LINGO2: variants seen among roughly 807,000 people sequenced by gnomAD.
LINGO2 encodes leucine rich repeat and Ig domain containing 2.
LINGO2 carries 14 observed loss-of-function variants against 30.6 expected under a neutral mutation model. The ratio of observed to expected loss-of-function variants is 0.46; its 90% CI spans 0.30 to 0.72. The LOEUF (loss-of-function observed/expected upper bound fraction) is 0.72. LINGO2 is among the 30% of genes least tolerant of loss of function. The probability of loss-of-function intolerance (pLI) is 0.07; values close to 1 mark genes in which losing one functional copy is unlikely to be tolerated. For synonymous variants in LINGO2, 317 were observed against 288.5 expected (o/e 1.10, Z -1.00); for missense variants, 729 against 751.7 (o/e 0.97, Z 0.35).
chr9:28,808,045 A>G, the LINGO2 span, among the ~76,000 whole-genome samples: 2 of 152,236 alleles, frequency 1.3e-5, no homozygotes, highest in Admixed American at 6.5e-5. Flanking sequence ...TAGAATCATC[A>G]TAATGACTAA....
At chr9:28,999,455 CT>C in the LINGO2 span, among the ~76,000 whole-genome samples, 4 of 151,910 alleles carry the variant, frequency 2.6e-5, no homozygotes, top group Non-Finnish European at 5.9e-5. Context: ...CTGTATATAT[CT>C]TTTTTTTCTA....
chr9:29,137,497 C>T, the LINGO2 span, among the ~76,000 whole-genome samples: 1 of 152,118 alleles, frequency 6.6e-6, no homozygotes, highest in African/African-American at 2.4e-5. Flanking sequence ...CACATTACTA[C>T]TGCTCTAGGT....
the LINGO2 span, among the ~76,000 whole-genome samples, chr9:28,962,018 G>A: frequency 6.6e-6 from 1 of 151,832 alleles, no homozygotes; most frequent in Non-Finnish European, 1.5e-5. Flanking sequence ...TAAGCTTTAG[G>A]GAAAAAATAC....
chr9:28,041,192 GC>G (rs1824182679), intron 4 of LINGO2, among the ~76,000 whole-genome samples: 4 of 152,166 alleles, frequency 2.6e-5, no homozygotes, highest in Non-Finnish European at 4.4e-5. Flanking sequence ...TCTGTCTATT[GC>G]ACCTCATAAA....
At chr9:28,759,558 TG>T in the LINGO2 span, among the ~76,000 whole-genome samples, 1 of 151,724 alleles carries the variant, frequency 6.6e-6, no homozygotes, top group Admixed American at 6.6e-5. Flanking sequence ...GACAGGCGCC[TG>T]CAGTCCCAGC....
chr9:29,162,333 A>G, the LINGO2 span, among the ~76,000 whole-genome samples: 1 of 152,252 alleles, frequency 6.6e-6, no homozygotes, highest in Non-Finnish European at 1.5e-5. Flanking sequence ...AAATGAATAT[A>G]TTTCAATAGA....
the LINGO2 span, among the ~76,000 whole-genome samples, chr9:28,987,804 G>C: frequency 6.6e-6 from 1 of 151,908 alleles, no homozygotes; most frequent in African/African-American, 2.4e-5. Flanking sequence ...TATCCATTCA[G>C]GCACATATTG....
At chr9:28,798,440 G>C in the LINGO2 span, among the ~76,000 whole-genome samples, 1 of 152,142 alleles carries the variant, frequency 6.6e-6, no homozygotes, top group Non-Finnish European at 1.5e-5. Flanking sequence ...GAGTGTATGA[G>C]AACTGCTGAT....
intron 1 of LINGO2, among the ~76,000 whole-genome samples, chr9:28,569,940 GA>G (rs1158040449): frequency 6.6e-6 from 1 of 151,436 alleles, no homozygotes; most frequent in Non-Finnish European, 1.5e-5. Flanking sequence ...AATAAAGCTG[GA>G]AAAAAGACAT....
chr9:28,778,832 T>C, the LINGO2 span, among the ~76,000 whole-genome samples: 19 of 152,176 alleles, frequency 1.2e-4, no homozygotes, highest in Non-Finnish European at 2.4e-4. Flanking sequence ...CTAGAAGAGA[T>C]ATCTATTGAA....
intron 5 of LINGO2, among the ~76,000 whole-genome samples, chr9:27,967,576 A>G (rs1167806502): frequency 6.6e-6 from 1 of 152,096 alleles, no homozygotes; most frequent in East Asian, 1.9e-4. Context: ...ATATGCCTAG[A>G]TTTATGCTTC....
chr9:28,391,425 G>C (rs757792063), intron 2 of LINGO2, among the ~76,000 whole-genome samples: 4 of 152,148 alleles, frequency 2.6e-5, no homozygotes, highest in Non-Finnish European at 5.9e-5. Context: ...GGGTTCATCA[G>C]ATTCAAAACT....
At chr9:28,691,653 G>C in the LINGO2 span, among the ~76,000 whole-genome samples, 3 of 152,044 alleles carry the variant, frequency 2.0e-5, no homozygotes, top group Admixed American at 1.3e-4. Context: ...TCATAGTAGT[G>C]ATCTTGAGAA....
At chr9:28,665,066 A>G (rs924942971) in intron 1 of LINGO2, among the ~76,000 whole-genome samples, 1 of 145,488 alleles carries the variant, frequency 6.9e-6, no homozygotes, top group Admixed American at 6.9e-5. Context: ...TAGGTACTCA[A>G]TAAAGATTTA....
chr9:28,343,327 C>T (rs964377469), intron 3 of LINGO2, among the ~76,000 whole-genome samples: 2 of 152,154 alleles, frequency 1.3e-5, no homozygotes, highest in Non-Finnish European at 2.9e-5. Context: ...TACATATATA[C>T]ATTCCTCACT....
At chr9:28,609,048 T>C (rs1206959780) in intron 1 of LINGO2, among the ~76,000 whole-genome samples, 1 of 151,948 alleles carries the variant, frequency 6.6e-6, no homozygotes, top group Non-Finnish European at 1.5e-5. Flanking sequence ...CAATCAGATA[T>C]GTCCATATAC....
At chr9:28,630,529 C>T (rs914330578) in intron 1 of LINGO2, among the ~76,000 whole-genome samples, 15 of 152,030 alleles carry the variant, frequency 9.9e-5, no homozygotes, top group Non-Finnish European at 2.1e-4. Flanking sequence ...CATGATACAA[C>T]TCAAGCTTCT....
intron 1 of LINGO2, among the ~76,000 whole-genome samples, chr9:28,549,870 T>C (rs922462451): frequency 6.6e-6 from 1 of 151,838 alleles, no homozygotes; most frequent in Admixed American, 6.6e-5. Context: ...GAAAATATCA[T>C]TTTACCCTCC....
chr9:28,058,400 T>TGA (rs1825027649), intron 4 of LINGO2, among the ~76,000 whole-genome samples: 1 of 152,144 alleles, frequency 6.6e-6, no homozygotes, highest in African/African-American at 2.4e-5. Flanking sequence ...AGGTACCCAA[T>TGA]GTAGTTTTAC....
Sources: gnomAD v4.1 joint callset for allele counts (sites outside exome capture counted in the v4.1 genomes callset) on GRCh38, gnomAD v4.1.1 for gene constraint, MANE v1.5 for transcripts, NCBI Gene and HGNC (gene_info 2026-07-23, HGNC 2026-07-21) for gene names.